The following IARS2 variants were observed in gnomAD, a reference collection of about 807,000 sequenced individuals.
IARS2 encodes the protein isoleucyl-tRNA synthetase 2, mitochondrial, also known as isoleucine--tRNA ligase, mitochondrial.
In IARS2, 56 loss-of-function variants were observed where a neutral mutation model predicts 126.3. The ratio of observed to expected loss-of-function variants is 0.44; its 90% CI spans 0.36 to 0.55. The LOEUF (loss-of-function observed/expected upper bound fraction) is 0.55. Ranked by LOEUF, IARS2 falls within the 20% of genes least tolerant of loss-of-function variation. The pLI, the probability that IARS2 is intolerant of heterozygous loss-of-function variation, is 0.00. For missense variants in IARS2, 1,127 were observed against 1,245.9 expected (o/e 0.90, Z 1.44); for synonymous variants, 407 against 441.1 (o/e 0.92, Z 0.97).
intron 7 of IARS2, 82 bp downstream of exon 7, chr1:220,102,859 C>A: frequency 3.7e-6 from 3 of 819,034 alleles, no homozygotes; most frequent in Non-Finnish European, 6.1e-6. Context: ...TTATTTTATC[C>A]TGTTTATTAT....
At position 220,125,470 on chromosome 1, in the gene IARS2, A is replaced by G. The variant is rs1414480020; in HGVS notation, c.1743+131A>G. ...ATTTATTTACTGTAAATTAGAAGCT[A>G]ATGCAGTGTGAAAGTAGACATTTTG... On this transcript the variant is annotated intron_variant, in intron 13 of 22. Transcript: ENST00000366922. 8.1e-6 allele frequency: 5 copies of G among 614,108 alleles called. No individual in the cohort carries two copies. In the East Asian group the frequency reaches 8.3e-5, roughly 10 times the overall value. 38.0% of individuals were successfully genotyped at this position (614,108 alleles called of 1,614,324 possible).
intron 13 of IARS2, 58 bp downstream of exon 13, chr1:220,125,397 A>G: frequency 9.5e-7 from 1 of 1,054,864 alleles, no homozygotes; most frequent in South Asian, 1.4e-5. Flanking sequence ...TAATGACAAC[A>G]TGAGAAATTC....
chr1:220,122,916 C>T (rs1336132481), intron 12 of IARS2, among the ~76,000 whole-genome samples: 1 of 150,590 alleles, frequency 6.6e-6, no homozygotes, highest in African/African-American at 2.4e-5. Flanking sequence ...CTAAACTTGC[C>T]AGTCTAATGA....
chr1:220,117,392 G>C (rs1656947471), intron 12 of IARS2, among the ~76,000 whole-genome samples: 1 of 151,298 alleles, frequency 6.6e-6, no homozygotes. Flanking sequence ...TAGAGACGGG[G>C]TTTCTCCATG....
At chr1:220,107,268 T>C (rs886706405) in intron 10 of IARS2, 117 bp downstream of exon 10, 3 of 678,316 alleles carry the variant, frequency 4.4e-6, no homozygotes, top group Non-Finnish European at 7.7e-6. Flanking sequence ...AATTATGTCT[T>C]GTTTTGCCAT....
chr1:220,143,565 G>A (rs1657530718), intron 21 of IARS2, among the ~76,000 whole-genome samples: 1 of 152,102 alleles, frequency 6.6e-6, no homozygotes, highest in South Asian at 2.1e-4. Flanking sequence ...TTAGAAGACA[G>A]GGGACATATA....
At position 220,106,050 on chromosome 1, in the gene IARS2, A is replaced by G. The variant is rs758566597; in HGVS notation, c.1226A>G (p.Asn409Ser). 5.6e-6 allele frequency: 9 copies of G among 1,612,984 alleles called. No individual in the cohort carries two copies. In the South Asian group the frequency reaches 7.7e-5, roughly 14 times the overall value. Reference protein sequence around the residue: ...MEDYGVASQHNLPMDCLVDED... With the variant: ...MEDYGVASQHSLPMDCLVDED... ...GACTACGGTGTAGCGTCTCAGCACA[A>G]CCTGCCCATGGTACTGTTCCTCTTT... Residue 409 changes from asparagine (N) to serine (S), a missense_variant, in exon 9 of 23, where the codon AAC becomes AGC. Physicochemically the swap from Asn to Ser is conservative, Grantham distance 46. Transcript: ENST00000366922.
rs141385141 is a variant in IARS2, at chr1:220,140,373, A to G, written c.2414+84A>G. ...GTAATCCCAGCACTTTGGGAGGCCG[A>G]GGCGGGTGGATGACATGAGGCCAGG... On this transcript the variant is annotated intron_variant, in intron 19 of 22. Coordinates refer to ENST00000366922, the MANE Select transcript of IARS2 (RefSeq NM_018060.4). 0.11 allele frequency: 88,426 copies of G among 811,118 alleles called. 5,746 individuals carry two copies. The highest frequency in any genetic ancestry group is 0.13 in the Non-Finnish European group (65,119 of 488,778). 50.2% of individuals were successfully genotyped at this position (811,118 alleles called of 1,614,324 possible).
At chr1:220,125,880 G>C (rs1657144401) in intron 13 of IARS2, among the ~76,000 whole-genome samples, 1 of 151,950 alleles carries the variant, frequency 6.6e-6, no homozygotes, top group Non-Finnish European at 1.5e-5. Flanking sequence ...GCCGAGGCGG[G>C]CAGATCACAA....
In IARS2 at chr1:220,147,776, G is replaced by A; in HGVS notation, c.*141G>A. On this transcript the variant is annotated 3_prime_UTR_variant, in exon 23 of 23. Coordinates refer to ENST00000366922, the MANE Select transcript of IARS2 (RefSeq NM_018060.4). ...TGGTGGAGGATGGGAGTCAAAATCA[G>A]AATTATAGAAGAAGTATTTCCTGTA... 1.4e-6 allele frequency: 1 copy of A among 715,432 alleles called. No homozygotes were observed. Among genetic ancestry groups the A allele is most frequent in the South Asian group, 2.0e-5 (1 of 49,112 alleles). The allele number at this position is 715,432 out of a possible 1,614,324, so 44.3% of individuals were successfully genotyped here. A position where few individuals can be genotyped will look rare whatever the true frequency, so the allele number is the denominator to read the frequency against.
intron 12 of IARS2, among the ~76,000 whole-genome samples, chr1:220,121,169 C>T (rs1003973136): frequency 6.6e-6 from 1 of 152,066 alleles, no homozygotes; most frequent in African/African-American, 2.4e-5. Context: ...AAAATAATTG[C>T]AGGATTGCTT....
At chr1:220,106,979 T>A in intron 9 of IARS2, 82 bp from the exon 10 acceptor site, 1 of 964,292 alleles carries the variant, frequency 1.0e-6, no homozygotes, top group Non-Finnish European at 1.7e-6. Flanking sequence ...TACTGAGATG[T>A]TTTTATATAT....
chr1:220,100,635 A>T lies in IARS2; in HGVS notation c.536A>T (p.Glu179Val), dbSNP rs566223643. Residue 179 changes from glutamate to valine, a missense_variant, in exon 3 of 23, where the codon GAA (glutamate) becomes GTA (valine). Coordinates refer to ENST00000366922, the MANE Select transcript of IARS2 (RefSeq NM_018060.4). Reference sequence around the variant, plus strand: ...GAAGCTCAGAATCTTTCAGCTATGGAAATTAGAAAGAAAGGTAAATAATCT... The same window carrying T: ...GAAGCTCAGAATCTTTCAGCTATGGTAATTAGAAAGAAAGGTAAATAATCT... ...GREAQNLSAMEIRKKARSFAK... is the reference protein window; with the variant it reads ...GREAQNLSAMVIRKKARSFAK... The T allele has an allele frequency of 6.2e-7, 1 of 1,607,642 alleles. No individual in the cohort carries two copies. The highest frequency in any genetic ancestry group is 1.3e-5 in the African/African-American group (1 of 74,838).
chr1:220,125,668 T>C (rs898730683), intron 13 of IARS2, among the ~76,000 whole-genome samples: 1 of 152,026 alleles, frequency 6.6e-6, no homozygotes, highest in African/African-American at 2.4e-5. Context: ...AGCTGAGCAT[T>C]GTGGCATGCG....
At chr1:220,126,296 G>T (rs538819844) in intron 13 of IARS2, among the ~76,000 whole-genome samples, 82 of 151,964 alleles carry the variant, frequency 5.4e-4, no homozygotes, top group African/African-American at 1.9e-3. Context: ...AAATCAAAAA[G>T]TGTAGTATTT....
At chr1:220,136,454 T>C (rs1657376689) in intron 15 of IARS2, among the ~76,000 whole-genome samples, 1 of 151,788 alleles carries the variant, frequency 6.6e-6, no homozygotes, top group African/African-American at 2.4e-5. Flanking sequence ...TAAGGAAAGG[T>C]TTCGGCCGGG....
intron 12 of IARS2, among the ~76,000 whole-genome samples, chr1:220,120,127 G>T (rs1657007841): frequency 6.7e-6 from 1 of 149,882 alleles, no homozygotes; most frequent in South Asian, 2.1e-4. Flanking sequence ...TGTTCCCCAG[G>T]CTGGAGTGCA....
intron 2 of IARS2, among the ~76,000 whole-genome samples, chr1:220,097,609 C>T (rs1354435159): frequency 4.6e-5 from 7 of 151,848 alleles, no homozygotes; most frequent in African/African-American, 1.2e-4. Context: ...GTGATCTGCC[C>T]GCCTCTGCCT....
intron 8 of IARS2, among the ~76,000 whole-genome samples, chr1:220,104,641 T>C (rs776733993): frequency 7.2e-5 from 11 of 152,198 alleles, no homozygotes; most frequent in Non-Finnish European, 1.3e-4. Flanking sequence ...TGCTTTGGTC[T>C]TCCAAAGTGC....
Sources: allele counts gnomAD v4.1 joint callset (sites outside exome capture counted in the v4.1 genomes callset), GRCh38; gene constraint gnomAD v4.1.1; transcripts MANE v1.5; gene names NCBI Gene and HGNC (gene_info 2026-07-23, HGNC 2026-07-21).